The following DYNC2H1 variants were observed in gnomAD, a reference collection of about 807,000 sequenced individuals.
DYNC2H1 encodes dynein cytoplasmic 2 heavy chain 1.
A neutral mutation model predicts 570.0 loss-of-function variants in DYNC2H1; 410 were observed. The observed-to-expected ratio is 0.72, with a 90% CI of 0.66 to 0.78. The LOEUF is 0.78. Among genes scored for constraint, DYNC2H1 ranks in the 30% least tolerant of loss-of-function variants. DYNC2H1 has a pLI of 0.00. For synonymous variants in DYNC2H1, 1,688 were observed against 1,677.6 expected, an observed-to-expected ratio of 1.01 and a Z score of -0.15; for missense variants, 4,865 against 5,046.4, an observed-to-expected ratio of 0.96 and a Z score of 1.09.
intron 85 of DYNC2H1, among the ~76,000 whole-genome samples, chr11:103,450,601 A>T (rs757629015): frequency 2.6e-5 from 4 of 152,234 alleles, no homozygotes; most frequent in Non-Finnish European, 4.4e-5. Flanking sequence ...GTCAAAGAAG[A>T]TATCAAAAAT....
In DYNC2H1 at chr11:103,203,592, T is replaced by C. The variant is rs76528542; in HGVS notation, c.8198-71T>C. ...GAAATAAAGATTGAATAAGAGCAGA[T>C]TTTTAAATACAAAAATTGAAAAAGC... On this transcript the variant is annotated intron_variant, in intron 50 of 88. Coordinates refer to ENST00000375735, the MANE Select transcript of DYNC2H1 (RefSeq NM_001377.3). This position sits in a 1 kb window ranked among gnomAD's most constrained non-coding sequence, Gnocchi z 4.7. 6.3e-4 allele frequency: 642 copies of C among 1,017,780 alleles called. 6 individuals carry two copies. The African/African-American group carries it at 9.6e-3, about 15-fold the overall frequency. The allele number at this position is 1,017,780 out of a possible 1,614,324, so 63.0% of individuals were successfully genotyped here.
intron 47 of DYNC2H1, among the ~76,000 whole-genome samples, chr11:103,197,116 A>G (rs562382809): frequency 2.0e-5 from 3 of 151,838 alleles, no homozygotes; most frequent in Middle Eastern, 3.4e-3. Context: ...TTTGTTTTCT[A>G]ATTGAAATTT....
intron 82 of DYNC2H1, among the ~76,000 whole-genome samples, chr11:103,327,556 C>G (rs190439201): frequency 4.2e-4 from 64 of 152,244 alleles, no homozygotes; most frequent in Non-Finnish European, 7.4e-5. Context: ...CTGCTAGTCT[C>G]AGTATCATTC....
intron 61 of DYNC2H1, among the ~76,000 whole-genome samples, chr11:103,234,541 G>A (rs1864148163): frequency 6.6e-6 from 1 of 151,810 alleles, no homozygotes; most frequent in Admixed American, 6.6e-5. Context: ...TGACTTTTTA[G>A]TGTTGTCTCT....
rs952237692 is a variant in DYNC2H1, at chr11:103,185,337, C to T, written c.6633+286C>T. ...AGACATTTTTGAACCTACTTGTCTA[C>T]ATTAATAATTATTTCATTCATTTAA... On this transcript the variant is annotated intron_variant, in intron 41 of 88. Transcript: ENST00000375735. This position sits in a 1 kb window ranked among gnomAD's most constrained non-coding sequence, Gnocchi z 4.5. Among the ~76,000 whole-genome samples, 1 of 151,746 alleles carries T rather than the reference C, an allele frequency of 6.6e-6. No individual in the cohort carries two copies. Among genetic ancestry groups the T allele is most frequent in the Non-Finnish European group, 1.5e-5 (1 of 67,864 alleles).
chr11:103,364,833 T>G (rs911160553), intron 83 of DYNC2H1, among the ~76,000 whole-genome samples: 4 of 152,244 alleles, frequency 2.6e-5, no homozygotes, highest in Non-Finnish European at 5.9e-5. Context: ...GCATGCCCTC[T>G]CGTTACTTCA....
chr11:103,324,691 A>G lies in DYNC2H1; in HGVS notation c.12039+701A>G, dbSNP rs1309698760. ...TGAACATTCATGTGCATATGTCTTT[A>G]TGGTAGAACCATTTATATTCCTTTG... On this transcript the variant is annotated intron_variant, in intron 82 of 88. Coordinates refer to ENST00000375735, the MANE Select transcript of DYNC2H1 (RefSeq NM_001377.3). This position sits in a 1 kb window ranked among gnomAD's most constrained non-coding sequence, Gnocchi z 5.2. Among the ~76,000 whole-genome samples the G allele has an allele frequency of 2.0e-5, 3 of 152,120 alleles. No individual in the cohort carries two copies. Among genetic ancestry groups the G allele is most frequent in the African/African-American group, 7.2e-5 (3 of 41,430 alleles).
chr11:103,336,464 C>G (rs1346319982), intron 82 of DYNC2H1, among the ~76,000 whole-genome samples: 2 of 150,502 alleles, frequency 1.3e-5, no homozygotes, highest in Non-Finnish European at 3.0e-5. Flanking sequence ...CCCCTATACA[C>G]ACCCTTCCTA....
intron 85 of DYNC2H1, 180 bp from the exon 86 acceptor site, chr11:103,455,006 A>AT (rs1156529466): frequency 2.9e-5 from 15 of 515,032 alleles, no homozygotes; most frequent in African/African-American, 2.7e-4. Context: ...ATGGATGGAT[A>AT]TTATGCCAAA....
chr11:103,332,650 C>G (rs1019267777), intron 82 of DYNC2H1, among the ~76,000 whole-genome samples: 1 of 152,086 alleles, frequency 6.6e-6, no homozygotes, highest in African/African-American at 2.4e-5. Flanking sequence ...TAAAGTGCCA[C>G]ATGAAAAAAC....
At position 103,253,455 on chromosome 11, in the gene DYNC2H1, A is replaced by G. The variant is rs776781525; in HGVS notation, c.10206+7A>G. 3.2e-5 allele frequency: 51 copies of G among 1,589,742 alleles called. No homozygotes were observed. Among genetic ancestry groups the G allele is most frequent in the Non-Finnish European group, 4.1e-5 (48 of 1,165,784 alleles). ...AAGTGGATTACGAGGGCAGGTATAC[A>G]TAGATAATAATAATTTACCTTGGAA... On this transcript the variant is annotated splice_region_variant and intron_variant, in intron 66 of 88. Coordinates refer to ENST00000375735, the MANE Select transcript of DYNC2H1 (RefSeq NM_001377.3).
intron 84 of DYNC2H1, among the ~76,000 whole-genome samples, chr11:103,412,051 C>G (rs1245149008): frequency 1.3e-5 from 2 of 152,104 alleles, no homozygotes; most frequent in African/African-American, 4.8e-5. Flanking sequence ...TCACTAAGAT[C>G]AGATCAGTAA....
intron 85 of DYNC2H1, among the ~76,000 whole-genome samples, chr11:103,436,393 TG>T (rs1393145227): frequency 1.3e-5 from 2 of 151,976 alleles, no homozygotes; most frequent in African/African-American, 4.8e-5. Flanking sequence ...TTCTTCAAAT[TG>T]ATCAAGTTTT....
chr11:103,477,427 T>A (rs192408228), intron 88 of DYNC2H1, among the ~76,000 whole-genome samples: 243 of 152,302 alleles, frequency 1.6e-3, no homozygotes, highest in African/African-American at 5.0e-3. Flanking sequence ...ATAAATTCAG[T>A]AAAAATGCTA....
intron 82 of DYNC2H1, among the ~76,000 whole-genome samples, chr11:103,354,648 CA>C (rs893783756): frequency 3.6e-4 from 55 of 151,902 alleles, no homozygotes; most frequent in African/African-American, 1.2e-3. Flanking sequence ...AGTTTTGTCT[CA>C]AAAAAACTCA....
intron 32 of DYNC2H1, 51 bp downstream of exon 32, chr11:103,169,011 A>G (rs1861457107): frequency 1.4e-6 from 2 of 1,462,150 alleles, no homozygotes; most frequent in Admixed American, 2.7e-5. Flanking sequence ...TATTTACTGT[A>G]AAGAAAATTT....
chr11:103,401,680 A>G (rs75550116), intron 84 of DYNC2H1, among the ~76,000 whole-genome samples: 98 of 152,266 alleles, frequency 6.4e-4, no homozygotes, highest in African/African-American at 2.3e-3. Flanking sequence ...AAATGAGGGT[A>G]GTAATAGTAC....
In DYNC2H1 at chr11:103,254,408, A is replaced by G. The variant is rs1864961105; in HGVS notation, c.10206+960A>G. On this transcript the variant is annotated intron_variant, in intron 66 of 88. Transcript: ENST00000375735. This position sits in a 1 kb window ranked among gnomAD's most constrained non-coding sequence, Gnocchi z 4.9. ...ATATTTTATACCAATGTCTTTCTCT[A>G]TTTTAGTATTCAGAGTTAACAATTT... Among the ~76,000 whole-genome samples the G allele has an allele frequency of 6.6e-6, 1 of 152,186 alleles. No homozygotes were observed. The highest frequency in any genetic ancestry group is 1.5e-5 in the Non-Finnish European group (1 of 68,022).
rs1866491476 is a variant in DYNC2H1, at chr11:103,289,256, A to G, written c.11095+1651A>G. Among the ~76,000 whole-genome samples, 3 of 151,860 alleles carry G rather than the reference A, an allele frequency of 2.0e-5. No individual in the cohort carries two copies. In the South Asian group the frequency reaches 6.2e-4, roughly 32 times the overall value. On this transcript the variant is annotated intron_variant, in intron 75 of 88. Transcript: ENST00000375735. This position sits in a 1 kb window ranked among gnomAD's most constrained non-coding sequence, Gnocchi z 4.2. Reference sequence around the variant, plus strand: ...GGAGGCTGATTTAAGTAATAATAAAACCCCAGTCTCCTGCACAGCTGGCTC... The same window carrying G: ...GGAGGCTGATTTAAGTAATAATAAAGCCCCAGTCTCCTGCACAGCTGGCTC...
Sources: gnomAD v4.1 joint callset for allele counts (sites outside exome capture counted in the v4.1 genomes callset) on GRCh38, gnomAD v4.1.1 for gene constraint, Gnocchi (gnomAD v3.1) non-coding constraint, MANE v1.5 for transcripts, NCBI Gene and HGNC (gene_info 2026-07-23, HGNC 2026-07-21) for gene names.